The following SETBP1 variants were observed in gnomAD, a reference collection of about 807,000 sequenced individuals.
The protein encoded by SETBP1 is SET-binding protein.
In SETBP1, 9 loss-of-function variants were observed where a neutral mutation model predicts 101.0. The ratio of observed to expected loss-of-function variants is 0.09; its 90% confidence interval spans 0.05 to 0.16. The LOEUF is 0.16. SETBP1 is among the 10% of genes least tolerant of loss of function. SETBP1 has a pLI of 1.00. For synonymous variants in SETBP1, 818 were observed against 788.5 expected (o/e 1.04, Z -0.63); for missense variants, 1,858 against 2,033.8 (o/e 0.91, Z 1.66).
At chr18:44,928,721 A>G (rs1379669151) in intron 3 of SETBP1, among the ~76,000 whole-genome samples, 1 of 152,220 alleles carries the variant, frequency 6.6e-6, no homozygotes, top group African/African-American at 2.4e-5. Flanking sequence ...GGCTGCATAA[A>G]TGTCTTCTTT....
At chr18:44,929,963 C>T (rs1026669439) in intron 3 of SETBP1, among the ~76,000 whole-genome samples, 2 of 152,174 alleles carry the variant, frequency 1.3e-5, no homozygotes, top group African/African-American at 4.8e-5. Flanking sequence ...CCAGAACTTC[C>T]AACACTGTGT....
Position 44,869,223 on chromosome 18 carries a change from T to G in SETBP1, c.487-7T>G. On this transcript the variant is annotated splice_polypyrimidine_tract_variant and splice_region_variant and intron_variant, in intron 2 of 5. Transcript: ENST00000649279. ...GTCACTGAGAAAATTTCTTTATTCT[T>G]TTGCAGCTCCTCACAGCCAGTGACC... is the stretch of plus-strand genomic sequence containing the variant. 1 of 1,614,006 alleles carries G rather than the reference T, an allele frequency of 6.2e-7. No individual in the cohort carries two copies.
In SETBP1 at chr18:45,060,371, T is replaced by C. The variant is rs143609607; in HGVS notation, c.4172-2708T>C. Among the ~76,000 whole-genome samples the C allele has an allele frequency of 2.6e-5, 4 of 152,306 alleles. No individual in the cohort carries two copies. The East Asian group carries it at 7.7e-4, about 29-fold the overall frequency. On this transcript the variant is annotated intron_variant, in intron 5 of 5. Transcript: ENST00000649279. ...CACTCCCACCAACAGTATGTGAGTG[T>C]TCCTAGTTTCTTACATCATTACCAA...
chr18:44,705,151 A>C (rs2069192836), intron 2 of SETBP1, among the ~76,000 whole-genome samples: 1 of 152,264 alleles, frequency 6.6e-6, no homozygotes, highest in Non-Finnish European at 1.5e-5. Flanking sequence ...CTGAGCAAAT[A>C]ATGTTTTTTA....
intron 3 of SETBP1, among the ~76,000 whole-genome samples, chr18:44,941,788 A>T (rs2071093936): frequency 6.6e-6 from 1 of 150,406 alleles, no homozygotes. Context: ...GAGATATTGT[A>T]TTTTTCAGAT....
At chr18:44,772,886 G>A (rs1000647356) in intron 2 of SETBP1, among the ~76,000 whole-genome samples, 1 of 152,228 alleles carries the variant, frequency 6.6e-6, no homozygotes, top group African/African-American at 2.4e-5. Context: ...CTCCTTAAGC[G>A]TCTTCTACCT....
chr18:45,022,196 C>T (rs374903283), intron 4 of SETBP1, among the ~76,000 whole-genome samples: 39 of 152,282 alleles, frequency 2.6e-4, no homozygotes, highest in Admixed American at 5.9e-4. Flanking sequence ...ATATGACCCA[C>T]AGGTGAAATT....
chr18:44,850,465 G>T (rs1820163977), intron 2 of SETBP1, among the ~76,000 whole-genome samples: 1 of 151,824 alleles, frequency 6.6e-6, no homozygotes, highest in African/African-American at 2.4e-5. Context: ...CCGCCTCCCT[G>T]GTTCAAGCAA....
At chr18:44,954,237 CT>C (rs571156386) in intron 4 of SETBP1, among the ~76,000 whole-genome samples, 83 of 150,826 alleles carry the variant, frequency 5.5e-4, no homozygotes, top group African/African-American at 1.9e-3. Flanking sequence ...TGACCCTGGC[CT>C]TACATCATAT....
intron 4 of SETBP1, among the ~76,000 whole-genome samples, chr18:45,008,146 T>G (rs1363699779): frequency 6.6e-6 from 1 of 152,200 alleles, no homozygotes; most frequent in Non-Finnish European, 1.5e-5. Context: ...CTTATTTGAT[T>G]TGCCCCCTTT....
chr18:44,786,380 C>A (rs2071239436), intron 2 of SETBP1, among the ~76,000 whole-genome samples: 1 of 152,150 alleles, frequency 6.6e-6, no homozygotes, highest in Non-Finnish European at 1.5e-5. Flanking sequence ...CACAGAAATG[C>A]AAATATGTGA....
chr18:44,874,519 G>A (rs1470323794), intron 3 of SETBP1, among the ~76,000 whole-genome samples: 1 of 152,158 alleles, frequency 6.6e-6, no homozygotes, highest in Non-Finnish European at 1.5e-5. Context: ...AATGAAGGTG[G>A]GCTGAGGACC....
chr18:44,706,028 A>C (rs1599012742), intron 2 of SETBP1, among the ~76,000 whole-genome samples: 1 of 152,164 alleles, frequency 6.6e-6, no homozygotes, highest in East Asian at 1.9e-4. Flanking sequence ...CATGCTTTAC[A>C]TGAGGTGTGA....
chr18:44,799,609 G>A (rs2071558829), intron 2 of SETBP1, among the ~76,000 whole-genome samples: 1 of 152,162 alleles, frequency 6.6e-6, no homozygotes. Context: ...GATGAACCAT[G>A]ATCACACTAG....
chr18:44,755,569 T>G (rs1004411947), intron 2 of SETBP1, among the ~76,000 whole-genome samples: 17 of 151,804 alleles, frequency 1.1e-4, no homozygotes, highest in Non-Finnish European at 2.9e-5. Context: ...GCCTCCTGAG[T>G]GTTCCCAGGC....
chr18:45,060,296 A>G (rs2073871203), intron 5 of SETBP1, among the ~76,000 whole-genome samples: 1 of 152,086 alleles, frequency 6.6e-6, no homozygotes. Context: ...TACATCTTCA[A>G]CTCTAACAGT....
chr18:44,865,573 T>G (rs1413234304), intron 2 of SETBP1, among the ~76,000 whole-genome samples: 1 of 152,228 alleles, frequency 6.6e-6, no homozygotes, highest in Non-Finnish European at 1.5e-5. Flanking sequence ...TATTAGTGCC[T>G]GAGGTTCAGC....
chr18:44,691,209 C>G (rs752603740), intron 1 of SETBP1, among the ~76,000 whole-genome samples: 14 of 152,108 alleles, frequency 9.2e-5, no homozygotes, highest in Non-Finnish European at 1.9e-4. Flanking sequence ...AGTGTGTGCT[C>G]TTGAGTAAAT....
intron 3 of SETBP1, among the ~76,000 whole-genome samples, chr18:44,939,974 A>G (rs1251375357): frequency 6.6e-6 from 1 of 152,186 alleles, no homozygotes; most frequent in Non-Finnish European, 1.5e-5. Context: ...TTGTTCGGCA[A>G]TTACTGAGAG....
Sources: gnomAD v4.1 joint callset for allele counts (sites outside exome capture counted in the v4.1 genomes callset) on GRCh38, gnomAD v4.1.1 for gene constraint, MANE v1.5 for transcripts, NCBI Gene and HGNC (gene_info 2026-07-23, HGNC 2026-07-21) for gene names.